BCO1: variants seen among roughly 807,000 people sequenced by gnomAD.
BCO1 encodes the protein beta-carotene oxygenase 1.
BCO1 carries 54 observed loss-of-function variants against 56.3 expected under a neutral mutation model. The observed-to-expected ratio is 0.96, with a 90% CI of 0.77 to 1.20. The LOEUF (loss-of-function observed/expected upper bound fraction) is 1.20, where lower values mean the gene tolerates loss of function less well. Among genes scored for constraint, BCO1 ranks in the 50% most tolerant of loss-of-function variants. The pLI, the probability that BCO1 is intolerant of heterozygous loss-of-function variation, is 0.00. For missense variants in BCO1, 801 were observed against 690.9 expected (o/e 1.16, Z -1.79); for synonymous variants, 318 against 266.1 (o/e 1.20, Z -1.90).
At chr16:81,243,454 ATCATTCATTCATTCAT>A (rs149998320) in intron 1 of BCO1, among the ~76,000 whole-genome samples, 1 of 151,008 alleles carries the variant, frequency 6.6e-6, no homozygotes, top group South Asian at 2.1e-4. Flanking sequence ...CCTGGTCTTG[ATCATTCATTCATTCAT>A]TCATTCATTC....
chr16:81,285,512 C>T (rs1908128204), intron 8 of BCO1, 28 bp from the exon 9 acceptor site: 1 of 1,526,062 alleles, frequency 6.6e-7, no homozygotes, highest in Non-Finnish European at 9.1e-7. Context: ...ATGATAGGGG[C>T]TTCATCCACC....
intron 2 of BCO1, among the ~76,000 whole-genome samples, chr16:81,257,319 C>T (rs959039812): frequency 6.6e-5 from 10 of 152,058 alleles, no homozygotes; most frequent in African/African-American, 2.2e-4. Context: ...GGCTATAGGG[C>T]AGTGGCGCGA....
intron 8 of BCO1, among the ~76,000 whole-genome samples, chr16:81,284,245 T>C (rs1908043661): frequency 1.1e-3 from 1 of 894 alleles, no homozygotes; most frequent in African/African-American, 1.3e-3. Flanking sequence ...TATATTTATA[T>C]ATTTATATAT....
chr16:81,245,661 C>G (rs1463680306), intron 2 of BCO1, 58 bp downstream of exon 2: 2 of 1,605,720 alleles, frequency 1.2e-6, no homozygotes, highest in Non-Finnish European at 8.5e-7. Flanking sequence ...AAATGCAGTG[C>G]CTTAAAACAG....
chr16:81,267,966 A>G lies in BCO1; in HGVS notation c.678A>G (p.Pro226=), dbSNP rs7202895. The change falls in exon 6 of 11, where the codon CCA becomes CCG. Residue 226 remains proline, a synonymous_variant. Transcript: ENST00000258168. ...ACACAGAGGTGTTCTGCTCCATCCC[A>G]TCCCGCTCCCTGCTCTCCCCAAGCT... is the stretch of plus-strand genomic sequence containing the variant. The part of the protein sequence containing the change: ...WKHTEVFCSI[P]SRSLLSPSYY... 0.053 allele frequency: 85,292 copies of G among 1,613,662 alleles called. 6,487 individuals carry two copies. Among genetic ancestry groups the G allele is most frequent in the African/African-American group, 0.37 (27,386 of 74,842 alleles).
chr16:81,245,377 C>G (rs1905342172), intron 1 of BCO1, 98 bp from the exon 2 acceptor site: 1 of 1,565,638 alleles, frequency 6.4e-7, no homozygotes, highest in Admixed American at 1.7e-5. Context: ...AGGAGTGGTA[C>G]TGGGACCACA....
intron 4 of BCO1, 190 bp downstream of exon 4, chr16:81,262,473 C>T (rs1362545742): frequency 3.1e-6 from 2 of 649,334 alleles, no homozygotes; most frequent in African/African-American, 1.8e-5. Context: ...TTTTTATCTT[C>T]GTGTCTGTAT....
intron 7 of BCO1, among the ~76,000 whole-genome samples, chr16:81,276,786 G>A (rs1907581842): frequency 6.6e-6 from 1 of 152,032 alleles, no homozygotes; most frequent in Admixed American, 6.6e-5. Context: ...TAAATTTAAG[G>A]CCAGGCATGG....
rs866684438 is a variant in BCO1 at position 81,244,736 on chromosome 16, T to A, written c.65-739T>A. Among the ~76,000 whole-genome samples the A allele has an allele frequency of 8.1e-5, 12 of 147,358 alleles. No individual in the cohort carries two copies. The East Asian group carries it at 9.9e-4, about 12-fold the overall frequency. ...CCCTATCTTTTTTTTTTTTTTTTTT[T>A]AATTTTTTGAGACAAGGTCTTGCTC... is the stretch of plus-strand genomic sequence containing the variant. On this transcript the variant is annotated intron_variant, in intron 1 of 10. Coordinates refer to ENST00000258168, the MANE Select transcript of BCO1 (RefSeq NM_017429.3).
rs1026120225 is a variant in BCO1, at chr16:81,290,649, G to A, written c.*72G>A. 1.4e-5 allele frequency: 18 copies of A among 1,277,752 alleles called. No individual in the cohort carries two copies. The African/African-American group carries it at 2.1e-4, about 15-fold the overall frequency. 79.2% of individuals were successfully genotyped at this position (1,277,752 alleles called of 1,614,324 possible). A position where few individuals can be genotyped will look rare whatever the true frequency, so the allele number is the denominator to read the frequency against. On this transcript the variant is annotated 3_prime_UTR_variant, in exon 11 of 11. Transcript: ENST00000258168. ...CCATGGATATGTTTCTTTGGATGGA[G>A]GGGAGGGCCTTTGTTACCTTTTGCA... is the stretch of plus-strand genomic sequence containing the variant.
At chr16:81,241,216 G>A (rs767286237) in intron 1 of BCO1, among the ~76,000 whole-genome samples, 2 of 151,880 alleles carry the variant, frequency 1.3e-5, no homozygotes, top group Non-Finnish European at 2.9e-5. Flanking sequence ...CAGGAGACTG[G>A]GCATGAGAAT....
At chr16:81,285,257 C>G (rs541685625) in intron 8 of BCO1, among the ~76,000 whole-genome samples, 2 of 152,220 alleles carry the variant, frequency 1.3e-5, no homozygotes, top group African/African-American at 4.8e-5. Flanking sequence ...TCATGCAATT[C>G]TCTTTGATTT....
chr16:81,274,332 C>T (rs1198490002), intron 7 of BCO1, among the ~76,000 whole-genome samples: 5 of 142,508 alleles, frequency 3.5e-5, no homozygotes, highest in Non-Finnish European at 7.5e-5. Context: ...GGCGTGATCT[C>T]GGCTCACTGC....
At chr16:81,290,265 G>A in intron 10 of BCO1, 83 bp from the exon 11 acceptor site, 1 of 1,145,734 alleles carries the variant, frequency 8.7e-7, no homozygotes, top group African/African-American at 1.5e-5. Flanking sequence ...TGTTTAAAGA[G>A]GGCAGAGAGA....
chr16:81,253,396 G>C (rs995090960), intron 2 of BCO1, among the ~76,000 whole-genome samples: 1 of 152,168 alleles, frequency 6.6e-6, no homozygotes, highest in South Asian at 2.1e-4. Context: ...TGTCATAGTG[G>C]AGGGGACAGA....
intron 7 of BCO1, among the ~76,000 whole-genome samples, chr16:81,280,288 A>T (rs1339253747): frequency 2.2e-5 from 2 of 90,326 alleles, no homozygotes; most frequent in African/African-American, 9.5e-5. Flanking sequence ...AAAAAAAAAA[A>T]AAAAAAAAAA....
At chr16:81,290,271 A>G (rs1339289925) in intron 10 of BCO1, 77 bp from the exon 11 acceptor site, 1 of 1,200,890 alleles carries the variant, frequency 8.3e-7, no homozygotes, top group Non-Finnish European at 1.2e-6. Context: ...AAGAGGGCAG[A>G]GAGACATGCT....
At chr16:81,270,460 C>A (rs371276390) in intron 7 of BCO1, 44 bp downstream of exon 7, 2 of 1,611,752 alleles carry the variant, frequency 1.2e-6, no homozygotes, top group South Asian at 1.1e-5. Context: ...AGAGAGATAT[C>A]GGCCCAGGTG....
chr16:81,245,670 A>T, intron 2 of BCO1, 67 bp downstream of exon 2: 1 of 1,600,038 alleles, frequency 6.2e-7, no homozygotes, highest in Non-Finnish European at 8.6e-7. Context: ...GCCTTAAAAC[A>T]GCACAAATTT....
Sources: allele counts gnomAD v4.1 joint callset (sites outside exome capture counted in the v4.1 genomes callset), GRCh38; gene constraint gnomAD v4.1.1; transcripts MANE v1.5; gene names NCBI Gene and HGNC (gene_info 2026-07-23, HGNC 2026-07-21).